Variants in PBX3 observed in about 807,000 individuals in gnomAD.
The protein encoded by PBX3 is pre-B-cell leukemia transcription factor 3.
In PBX3, 14 loss-of-function variants were observed where a neutral mutation model predicts 48.5. The ratio of observed to expected loss-of-function variants is 0.29; its 90% CI spans 0.19 to 0.45. The LOEUF (loss-of-function observed/expected upper bound fraction) is 0.45. Ranked by LOEUF, PBX3 falls within the 20% of genes least tolerant of loss-of-function variation. PBX3 has a pLI of 1.00. For synonymous variants in PBX3, 210 were observed against 200.3 expected, an observed-to-expected ratio of 1.05 and a Z score of -0.41; for missense variants, 386 against 546.7, an observed-to-expected ratio of 0.71 and a Z score of 2.93.
chr9:125,848,930 A>G (rs1839503473), intron 2 of PBX3, among the ~76,000 whole-genome samples: 1 of 151,992 alleles, frequency 6.6e-6, no homozygotes, highest in Admixed American at 6.6e-5. Flanking sequence ...GTTTTGTGCA[A>G]TAGCTTGGTA....
At chr9:125,752,162 C>T (rs1244212017) in intron 2 of PBX3, among the ~76,000 whole-genome samples, 1 of 152,066 alleles carries the variant, frequency 6.6e-6, no homozygotes, top group Admixed American at 6.6e-5. Flanking sequence ...ACCACAAACC[C>T]TAAATAGCGT....
At chr9:125,879,241 C>G (rs1428195942) in intron 2 of PBX3, among the ~76,000 whole-genome samples, 1 of 151,960 alleles carries the variant, frequency 6.6e-6, no homozygotes, top group Non-Finnish European at 1.5e-5. Flanking sequence ...CCACGCCCGG[C>G]TAATTTTTGT....
chr9:125,787,508 C>G (rs2132053012), intron 2 of PBX3, among the ~76,000 whole-genome samples: 1 of 152,266 alleles, frequency 6.6e-6, no homozygotes, highest in Non-Finnish European at 1.5e-5. Flanking sequence ...TGAAATGGCA[C>G]TATCATGACC....
chr9:125,779,944 C>T (rs1196610389), intron 2 of PBX3, among the ~76,000 whole-genome samples: 4 of 122,360 alleles, frequency 3.3e-5, no homozygotes, highest in African/African-American at 1.3e-4. Context: ...GGGGCTGACC[C>T]CCCACCTCCC....
chr9:125,960,945 A>AC (rs1564192720), intron 6 of PBX3, 96 bp downstream of exon 6: 1 of 158,368 alleles, frequency 6.3e-6, no homozygotes, highest in East Asian at 1.7e-4. Flanking sequence ...TACTGAGGAC[A>AC]GAGTGGACTT....
rs192914375 is a variant in PBX3 at position 125,915,669 on chromosome 9, T to A, written c.275-17T>A. On this transcript the variant is annotated splice_polypyrimidine_tract_variant and intron_variant, in intron 2 of 8. Coordinates refer to ENST00000373489, the MANE Select transcript of PBX3 (RefSeq NM_006195.6). ...CTCGCTTCTTCTCTCTCTGTCTCTC[T>A]CTCTCTTTCCTTGAAGGTCTCAGCA... The A allele has an allele frequency of 2.5e-6, 4 of 1,588,810 alleles. No homozygotes were observed. In the African/African-American group the frequency reaches 5.4e-5, roughly 21 times the overall value.
At chr9:125,811,479 G>A (rs984993238) in intron 2 of PBX3, among the ~76,000 whole-genome samples, 2 of 152,154 alleles carry the variant, frequency 1.3e-5, no homozygotes, top group South Asian at 2.1e-4. Flanking sequence ...CATGAGATCC[G>A]ATGGTTTTAT....
intron 2 of PBX3, among the ~76,000 whole-genome samples, chr9:125,886,656 AT>A (rs201025355): frequency 6.6e-6 from 1 of 152,062 alleles, no homozygotes; most frequent in Non-Finnish European, 1.5e-5. Context: ...TGTTTTGTGT[AT>A]TTTTTCCCTT....
intron 2 of PBX3, among the ~76,000 whole-genome samples, chr9:125,798,346 A>G (rs1837842631): frequency 6.6e-6 from 1 of 152,114 alleles, no homozygotes; most frequent in East Asian, 1.9e-4. Context: ...GTCATTATTA[A>G]TGAAATTTAT....
intron 3 of PBX3, among the ~76,000 whole-genome samples, chr9:125,923,131 A>G: frequency 6.6e-6 from 1 of 152,220 alleles, no homozygotes; most frequent in East Asian, 1.9e-4. Context: ...TGTTTTAGCA[A>G]ATTATGAGTT....
At chr9:125,901,111 C>G (rs141271912) in intron 2 of PBX3, among the ~76,000 whole-genome samples, 57 of 151,738 alleles carry the variant, frequency 3.8e-4, no homozygotes, top group African/African-American at 1.2e-3. Flanking sequence ...TAATTTAGCA[C>G]CCTTTTTGTA....
chr9:125,836,400 G>A (rs1357866152), intron 2 of PBX3, among the ~76,000 whole-genome samples: 2 of 152,014 alleles, frequency 1.3e-5, no homozygotes, highest in African/African-American at 4.8e-5. Context: ...AGCCGAGATT[G>A]CATCACTGCA....
chr9:125,758,168 C>T (rs932927926), intron 2 of PBX3, among the ~76,000 whole-genome samples: 2 of 152,144 alleles, frequency 1.3e-5, no homozygotes, highest in African/African-American at 4.8e-5. Flanking sequence ...AAATTCTGTT[C>T]TGTCAATGTA....
At chr9:125,943,977 G>A (rs867322510) in intron 5 of PBX3, among the ~76,000 whole-genome samples, 13 of 152,338 alleles carry the variant, frequency 8.5e-5, no homozygotes, top group South Asian at 8.3e-4. Context: ...CCCATCTGCC[G>A]CCAGTGCCTA....
chr9:125,874,549 A>AGT (rs1471518177), intron 2 of PBX3, among the ~76,000 whole-genome samples: 1 of 152,182 alleles, frequency 6.6e-6, no homozygotes. Context: ...AGAAGACTTG[A>AGT]ACAATACTAT....
intron 2 of PBX3, among the ~76,000 whole-genome samples, chr9:125,883,066 C>T (rs936943759): frequency 6.6e-6 from 1 of 152,170 alleles, no homozygotes; most frequent in African/African-American, 2.4e-5. Context: ...GAATAACATT[C>T]TGCCTACTTA....
At position 125,960,654 on chromosome 9, in the gene PBX3, C is replaced by G. The variant is rs752854074; in HGVS notation, c.844-30C>G. 6.2e-6 allele frequency: 10 copies of G among 1,608,696 alleles called. No individual in the cohort carries two copies. The Admixed American group carries it at 1.5e-4, about 24-fold the overall frequency. On this transcript the variant is annotated intron_variant, in intron 5 of 8. Transcript: ENST00000373489. ...ATTTGATTACTTCTTCCTCTCTTCC[C>G]CTTCACCTCCATGTCCCTGCAATTT...
chr9:125,767,243 G>T (rs1836823552), intron 2 of PBX3, among the ~76,000 whole-genome samples: 1 of 152,298 alleles, frequency 6.6e-6, no homozygotes, highest in African/African-American at 2.4e-5. Context: ...TTTGGCGAAT[G>T]CTAAGTGGTG....
intron 2 of PBX3, among the ~76,000 whole-genome samples, chr9:125,780,690 G>T (rs1171557472): frequency 7.6e-6 from 1 of 131,814 alleles, no homozygotes; most frequent in Admixed American, 7.5e-5. Flanking sequence ...CGGGCGGGGG[G>T]CTGACCACCC....
Sources: gnomAD v4.1 joint callset for allele counts (sites outside exome capture counted in the v4.1 genomes callset) on GRCh38, gnomAD v4.1.1 for gene constraint, MANE v1.5 for transcripts, NCBI Gene and HGNC (gene_info 2026-07-23, HGNC 2026-07-21) for gene names.